Variants in DACH2 observed in about 807,000 individuals in gnomAD.
The protein encoded by DACH2 is dachshund homolog 2.
Under a neutral mutation model 35.8 loss-of-function variants are expected in DACH2, and 17 were observed. The ratio of observed to expected loss-of-function variants is 0.48; its 90% CI spans 0.33 to 0.71. The LOEUF (loss-of-function observed/expected upper bound fraction) is 0.71, where lower values mean the gene tolerates loss of function less well. DACH2 is among the 30% of genes least tolerant of loss of function. The pLI, the probability that DACH2 is intolerant of heterozygous loss-of-function variation, is 0.02. For synonymous variants in DACH2, 195 were observed against 177.3 expected (o/e 1.10, Z -0.79); for missense variants, 469 against 472.7 (o/e 0.99, Z 0.07).
At chrX:86,409,403 A>T (rs1316207630) in intron 2 of DACH2, among the ~76,000 whole-genome samples, 1 of 111,542 alleles carries the variant, frequency 9.0e-6, no homozygotes, top group Non-Finnish European at 1.9e-5. Context: ...CCAAAGTTAA[A>T]GGTGGGGCCT....
intron 2 of DACH2, among the ~76,000 whole-genome samples, chrX:86,454,849 G>A (rs1230551255): frequency 1.8e-5 from 2 of 111,950 alleles, no homozygotes; most frequent in Non-Finnish European, 3.8e-5. Context: ...AGGAGAAGAG[G>A]CACTCTGGTT....
intron 2 of DACH2, among the ~76,000 whole-genome samples, chrX:86,454,968 TTTG>T (rs769917989): frequency 6.4e-4 from 71 of 111,487 alleles, no homozygotes; most frequent in South Asian, 3.8e-4. Flanking sequence ...TGGGGACATT[TTTG>T]TTGTTGTTGT....
chrX:86,611,139 T>C (rs111793610), intron 3 of DACH2, among the ~76,000 whole-genome samples: 5 of 110,634 alleles, frequency 4.5e-5, no homozygotes, highest in African/African-American at 1.6e-4. Flanking sequence ...TGATGGGTTC[T>C]GTTAGGTTTG....
chrX:86,184,957 T>C (rs242861), intron 1 of DACH2, among the ~76,000 whole-genome samples: 53,462 of 110,415 alleles, frequency 0.48, 9,737 homozygotes, highest in Middle Eastern at 0.57. Context: ...ATCCATCAAA[T>C]AGGGGATTAG....
intron 7 of DACH2, among the ~76,000 whole-genome samples, chrX:86,776,579 A>C (rs1213278767): frequency 8.9e-6 from 1 of 111,789 alleles, no homozygotes; most frequent in African/African-American, 3.3e-5. Context: ...TGTCTGGGAC[A>C]AAAGTTTTTA....
chrX:86,823,196 A>C (rs1319146220), intron 11 of DACH2, among the ~76,000 whole-genome samples: 2 of 111,496 alleles, frequency 1.8e-5, no homozygotes, highest in East Asian at 5.7e-4. Flanking sequence ...CAGCCTCTCA[A>C]AATGCTGGGA....
intron 2 of DACH2, among the ~76,000 whole-genome samples, chrX:86,512,603 A>G (rs1433515272): frequency 8.9e-6 from 1 of 112,126 alleles, no homozygotes; most frequent in African/African-American, 3.2e-5. Flanking sequence ...CAGCGGACAA[A>G]TACAAAGACT....
At chrX:86,700,678 C>A (rs969722752) in intron 5 of DACH2, among the ~76,000 whole-genome samples, 2 of 43,514 alleles carry the variant, frequency 4.6e-5, no homozygotes, top group African/African-American at 2.7e-4. Flanking sequence ...TACCACTAAC[C>A]CACAGAAATA....
chrX:86,486,249 G>A (rs963976358), intron 2 of DACH2, among the ~76,000 whole-genome samples: 1 of 111,002 alleles, frequency 9.0e-6, no homozygotes, highest in African/African-American at 3.3e-5. Context: ...GAGACCTAAG[G>A]ATCCCTTTTT....
chrX:86,732,410 C>T (rs1433571166), intron 6 of DACH2, among the ~76,000 whole-genome samples: 4 of 112,277 alleles, frequency 3.6e-5, no homozygotes, highest in African/African-American at 1.3e-4. Context: ...CCTCCACCCC[C>T]AAAAGGATTT....
intron 1 of DACH2, among the ~76,000 whole-genome samples, chrX:86,189,339 A>T (rs1416156583): frequency 2.7e-5 from 3 of 111,927 alleles, no homozygotes; most frequent in African/African-American, 6.5e-5. Context: ...TCTAATTATA[A>T]TAAGTAGGAA....
intron 7 of DACH2, among the ~76,000 whole-genome samples, chrX:86,757,636 G>A (rs1282910053): frequency 9.0e-6 from 1 of 111,535 alleles, no homozygotes; most frequent in East Asian, 2.8e-4. Context: ...TCATAGGGGT[G>A]GACTTCTCCC....
At chrX:86,417,195 T>A (rs2036721191) in intron 2 of DACH2, among the ~76,000 whole-genome samples, 1 of 108,607 alleles carries the variant, frequency 9.2e-6, no homozygotes, top group African/African-American at 3.4e-5. Context: ...AAGCCTTTCA[T>A]GAGGAATCTG....
At position 86,148,794 on chromosome X, in the gene DACH2, C is replaced by T. The variant is rs771754414; in HGVS notation, c.174C>T (p.Gly58=). 2 of 1,211,346 alleles carry T rather than the reference C, an allele frequency of 1.7e-6. No individual in the cohort carries two copies. Among genetic ancestry groups the T allele is most frequent in the Non-Finnish European group, 2.2e-6 (2 of 895,446 alleles). ...ACCACAGCAACAGTGCCGGAGGCGG[C>T]GGCAGGGGCAACACCAACACCAACG... ...VNNHSNSAGG[G]GRGNTNTNEC... Residue 58 remains glycine (G), a synonymous_variant, in exon 1 of 12, where the codon GGC becomes GGT. Coordinates refer to ENST00000373125, the MANE Select transcript of DACH2 (RefSeq NM_053281.3).
chrX:86,155,853 T>A (rs2030528024), intron 1 of DACH2, among the ~76,000 whole-genome samples: 1 of 111,144 alleles, frequency 9.0e-6, no homozygotes, highest in African/African-American at 3.2e-5. Flanking sequence ...GATCTCAAAT[T>A]CAGGAAAAAT....
At chrX:86,454,133 G>A (rs775189387) in intron 2 of DACH2, among the ~76,000 whole-genome samples, 8 of 111,226 alleles carry the variant, frequency 7.2e-5, no homozygotes, top group Admixed American at 9.6e-5. Flanking sequence ...TAGGATATCC[G>A]CTGAGAGGTC....
chrX:86,160,617 T>C, intron 1 of DACH2: 1 of 498,902 alleles, frequency 2.0e-6, no homozygotes, highest in Non-Finnish European at 3.6e-6. Flanking sequence ...GCTGCTTTCA[T>C]TGGTGGGCCA....
intron 2 of DACH2, among the ~76,000 whole-genome samples, chrX:86,464,317 A>T (rs1056268614): frequency 4.5e-5 from 4 of 89,511 alleles, no homozygotes; most frequent in Non-Finnish European, 9.0e-5. Context: ...TGGCACATAT[A>T]CACCATGGAA....
At chrX:86,670,755 G>A (rs1438248014) in intron 4 of DACH2, among the ~76,000 whole-genome samples, 1 of 111,837 alleles carries the variant, frequency 8.9e-6, no homozygotes, top group Non-Finnish European at 1.9e-5. Context: ...CGTTTTAAAG[G>A]TTCCTTTCTT....
Sources: gnomAD v4.1 joint callset for allele counts (sites outside exome capture counted in the v4.1 genomes callset) on GRCh38, gnomAD v4.1.1 for gene constraint, MANE v1.5 for transcripts, NCBI Gene and HGNC (gene_info 2026-07-23, HGNC 2026-07-21) for gene names.